RABAC1: variants seen among roughly 807,000 people sequenced by gnomAD.
The protein encoded by RABAC1 is prenylated Rab acceptor protein 1.
In RABAC1, 16 loss-of-function variants were observed where a neutral mutation model predicts 22.9. The ratio of observed to expected loss-of-function variants is 0.70; its 90% confidence interval spans 0.47 to 1.06. The LOEUF (loss-of-function observed/expected upper bound fraction) is 1.06, where lower values mean the gene tolerates loss of function less well. Ranked by LOEUF, RABAC1 falls within the 50% of genes least tolerant of loss-of-function variation. The probability of loss-of-function intolerance (pLI) is 0.00; values close to 1 mark genes in which losing one functional copy is unlikely to be tolerated. For missense variants in RABAC1, 227 were observed against 246.5 expected (o/e 0.92, Z 0.53); for synonymous variants, 139 against 107.7 (o/e 1.29, Z -1.80).
Position 41,959,229 on chromosome 19 carries a change from T to C in RABAC1, c.56+8A>G. On this transcript the variant is annotated splice_region_variant and intron_variant, in intron 1 of 4. Transcript: ENST00000222008. ...TCTGGTCCGAGGGCCTAGAGCCAGC[T>C]CGCTCACGTGCCGCTCAGCCCTTCC... The C allele has an allele frequency of 6.2e-7, 1 of 1,613,424 alleles. No individual in the cohort carries two copies. The highest frequency in any genetic ancestry group is 8.5e-7 in the Non-Finnish European group (1 of 1,179,924).
Position 41,956,927 on chromosome 19 carries a change from G to C in RABAC1, c.477C>G (p.Thr159=). The C allele has an allele frequency of 1.9e-6, 3 of 1,612,652 alleles. No individual in the cohort carries two copies. Among genetic ancestry groups the C allele is most frequent in the South Asian group, 1.1e-5 (1 of 91,056 alleles). ...GSAVFWVLGA[T]LVVIGSHAAF... The stretch of plus-strand genomic sequence containing the variant: ...CAGCGTGGGAGCCGATGACCACCAG[G>C]GTGGCTCCTGCAGGAAAGCCGGCAG... The change falls in exon 5 of 5, where the codon ACC becomes ACG. Residue 159 remains threonine, a synonymous_variant. Coordinates refer to ENST00000222008, the MANE Select transcript of RABAC1 (RefSeq NM_006423.3).
chr19:41,958,660 G>A (rs1706469650), intron 2 of RABAC1, 76 bp downstream of exon 2: 3 of 1,477,712 alleles, frequency 2.0e-6, no homozygotes, highest in African/African-American at 2.8e-5. Flanking sequence ...GGCGGTGAAG[G>A]GCGGGGCCTG....
chr19:41,957,105 G>A lies in RABAC1; in HGVS notation c.382C>T (p.Pro128Ser), dbSNP rs1254944294. The change falls in exon 4 of 5, where the codon CCA becomes TCA. Residue 128 changes from proline to serine, a missense_variant. Transcript: ENST00000222008. Reference sequence around the variant, plus strand: ...CCAGCCAGAGCATACTGATGCGCTGGGCTCACCTCTCGGCCTGGGGGCAGA... The same window carrying A: ...CCAGCCAGAGCATACTGATGCGCTGAGCTCACCTCTCGGCCTGGGGGCAGA... ...KLVLFGREVS[P>S]AHQYALAGGI... 6.2e-7 allele frequency: 1 copy of A among 1,613,586 alleles called. No homozygotes were observed. Among genetic ancestry groups the A allele is most frequent in the Non-Finnish European group, 8.5e-7 (1 of 1,179,998 alleles).
chr19:41,958,708 G>A, intron 2 of RABAC1, 28 bp downstream of exon 2: 1 of 1,599,884 alleles, frequency 6.3e-7, no homozygotes. Flanking sequence ...CGGGGCTAGT[G>A]CGGGTGCGGG....
chr19:41,958,275 G>C lies in RABAC1; in HGVS notation c.367+11C>G, dbSNP rs782358038. 3.7e-6 allele frequency: 6 copies of C among 1,604,154 alleles called. No individual in the cohort carries two copies. Among genetic ancestry groups the C allele is most frequent in the Non-Finnish European group, 5.1e-6 (6 of 1,172,992 alleles). ...GGGACCAAGGATTCATCTGGGCAGG[G>C]GGTTTCTCACCAAAGAGCACAAGCT... On this transcript the variant is annotated intron_variant, in intron 3 of 4. Coordinates refer to ENST00000222008, the MANE Select transcript of RABAC1 (RefSeq NM_006423.3).
At chr19:41,958,704 T>C in intron 2 of RABAC1, 32 bp downstream of exon 2, 1 of 1,596,752 alleles carries the variant, frequency 6.3e-7, no homozygotes, top group Non-Finnish European at 8.5e-7. Flanking sequence ...CGGTCGGGGC[T>C]AGTGCGGGTG....
chr19:41,957,347 C>T, intron 3 of RABAC1: 1 of 550,480 alleles, frequency 1.8e-6, no homozygotes. Flanking sequence ...ACCCTCTGCC[C>T]TCTGCCCCAC....
rs1202311262 is a variant in RABAC1 at position 41,959,264 on chromosome 19, T to C, written c.29A>G (p.Asp10Gly). Reference sequence around the variant, plus strand: ...GCCGCTCAGCCCTTCCGCCTCGGCATCTTTCTGCTGGTCCTTCTGCGCTGC... The same window carrying C: ...GCCGCTCAGCCCTTCCGCCTCGGCACCTTTCTGCTGGTCCTTCTGCGCTGC... MAAQKDQQK[D>G]AEAEGLSGTT... Residue 10 changes from aspartate to glycine, a missense_variant, in exon 1 of 5, where the codon GAT becomes GGT. By Grantham distance (94) the Asp-to-Gly change is moderately conservative. Coordinates refer to ENST00000222008, the MANE Select transcript of RABAC1 (RefSeq NM_006423.3). The C allele has an allele frequency of 6.2e-7, 1 of 1,613,572 alleles. No individual in the cohort carries two copies. The highest frequency in any genetic ancestry group is 8.5e-7 in the Non-Finnish European group (1 of 1,179,944).
chr19:41,957,301 A>G (rs2074994495), intron 3 of RABAC1, 182 bp from the exon 4 acceptor site: 3 of 599,916 alleles, frequency 5.0e-6, no homozygotes, highest in Non-Finnish European at 9.0e-6. Context: ...ACTGCCCTCC[A>G]GAACACAGCA....
intron 1 of RABAC1, 105 bp from the exon 2 acceptor site, chr19:41,959,053 T>G: frequency 7.4e-7 from 1 of 1,358,060 alleles, no homozygotes; most frequent in Non-Finnish European, 9.9e-7. Context: ...GACCCCAGAT[T>G]CCTGTACAGC....
intron 3 of RABAC1, chr19:41,957,817 T>C (rs1555856908): frequency 6.1e-6 from 1 of 165,100 alleles, no homozygotes; most frequent in African/African-American, 2.4e-5. Flanking sequence ...TTGGTACTAC[T>C]AGTCTGGGAA....
At chr19:41,958,603 G>A in intron 2 of RABAC1, 133 bp downstream of exon 2, 1 of 1,071,356 alleles carries the variant, frequency 9.3e-7, no homozygotes, top group South Asian at 1.5e-5. Flanking sequence ...TTGGGGGCGG[G>A]GCCTGGGCGG....
rs781885571 is a variant in RABAC1, at chr19:41,958,791, C to A, written c.214G>T (p.Glu72Ter). The A allele has an allele frequency of 6.2e-7, 1 of 1,612,784 alleles. No homozygotes were observed. Among genetic ancestry groups the A allele is most frequent in the Non-Finnish European group, 8.5e-7 (1 of 1,179,858 alleles). The change falls in exon 2 of 5, where the codon GAG (glutamate) becomes TAG (stop). Residue 72 changes from glutamate (E) to a stop codon, truncating the protein, a stop_gained. Coordinates refer to ENST00000222008, the MANE Select transcript of RABAC1 (RefSeq NM_006423.3). LOFTEE classifies it high-confidence loss of function. ...ELCQRLVRNV[E>*]YYQSNYVFVF... ...AACACATAGTTGCTCTGGTAGTACTCCACGTTGCGTACGAGGCGCTGGCAC... is the reference window on the plus strand; with the variant it reads ...AACACATAGTTGCTCTGGTAGTACTACACGTTGCGTACGAGGCGCTGGCAC...
At chr19:41,958,225 T>C (rs2145931580) in intron 3 of RABAC1, 61 bp downstream of exon 3, 1 of 1,490,118 alleles carries the variant, frequency 6.7e-7, no homozygotes, top group South Asian at 1.2e-5. Flanking sequence ...GAGGTCTGTC[T>C]GCATTCCAAA....
chr19:41,958,271 C>T lies in RABAC1; in HGVS notation c.367+15G>A. 1 of 1,598,766 alleles carries T rather than the reference C, an allele frequency of 6.3e-7. No individual in the cohort carries two copies. Among genetic ancestry groups the T allele is most frequent in the African/African-American group, 1.3e-5 (1 of 74,760 alleles). ...TTGAGGGACCAAGGATTCATCTGGG[C>T]AGGGGGTTTCTCACCAAAGAGCACA... On this transcript the variant is annotated intron_variant, in intron 3 of 4. Transcript: ENST00000222008.
At position 41,958,125 on chromosome 19, in the gene RABAC1, T is replaced by C. The variant is rs372672519; in HGVS notation, c.367+161A>G. 7 of 641,822 alleles carry C rather than the reference T, an allele frequency of 1.1e-5. No homozygotes were observed. The South Asian group carries it at 1.3e-4, about 12-fold the overall frequency. The allele number at this position is 641,822 out of a possible 1,614,324, so 39.8% of individuals were successfully genotyped here. On this transcript the variant is annotated intron_variant, in intron 3 of 4. Coordinates refer to ENST00000222008, the MANE Select transcript of RABAC1 (RefSeq NM_006423.3). Reference sequence around the variant, plus strand: ...AGACTCGATGGAAGGATCGGTTGTGTCTGAGATTTTAAGGGATCAGGTTTG... The same window carrying C: ...AGACTCGATGGAAGGATCGGTTGTGCCTGAGATTTTAAGGGATCAGGTTTG...
intron 2 of RABAC1, 26 bp from the exon 3 acceptor site, chr19:41,958,409 C>G (rs782008377): frequency 6.3e-7 from 1 of 1,597,994 alleles, no homozygotes; most frequent in Non-Finnish European, 8.6e-7. Context: ...AGGGAGGCAG[C>G]GGTTAGACAG....
At chr19:41,959,203 CT>C (rs2075004703) in intron 1 of RABAC1, 33 bp downstream of exon 1, 2 of 1,612,606 alleles carry the variant, frequency 1.2e-6, no homozygotes, top group Non-Finnish European at 1.7e-6. Flanking sequence ...ACTCCCGGGT[CT>C]CTGGTCCGAG....
Position 41,958,623 on chromosome 19 carries a change from G to A in RABAC1, c.269+113C>T, listed in dbSNP as rs80101175. 75 of 1,202,836 alleles carry A rather than the reference G, an allele frequency of 6.2e-5. No individual in the cohort carries two copies. The East Asian group carries it at 1.9e-3, about 31-fold the overall frequency. 74.5% of individuals were successfully genotyped at this position (1,202,836 alleles called of 1,614,324 possible). A position where few individuals can be genotyped will look rare whatever the true frequency, so the allele number is the denominator to read the frequency against. ...GGCGGGGCCTGGGCGGTGAGAAGAG[G>A]GCCCTGGGCGGTGAGAGGAGGGACC... On this transcript the variant is annotated intron_variant, in intron 2 of 4. Transcript: ENST00000222008.
Sources: gnomAD v4.1 joint callset for allele counts on GRCh38, gnomAD v4.1.1 for gene constraint, MANE v1.5 for transcripts, NCBI Gene and HGNC (gene_info 2026-07-23, HGNC 2026-07-21) for gene names.